Variants in MRAP2 observed in about 807,000 individuals in gnomAD.
MRAP2 encodes the protein melanocortin 2 receptor accessory protein 2, also known as melanocortin-2 receptor accessory protein 2.
MRAP2 carries 20 observed loss-of-function variants against 17.4 expected under a neutral mutation model. The ratio of observed to expected loss-of-function variants is 1.15; its 90% CI spans 0.81 to 1.67. MRAP2 has a LOEUF of 1.67. MRAP2 is among the 40% of genes most tolerant of loss of function. The pLI, the probability that MRAP2 is intolerant of heterozygous loss-of-function variation, is 0.00. For missense variants in MRAP2, 238 were observed against 240.0 expected (o/e 0.99, Z 0.05); for synonymous variants, 96 against 88.4 (o/e 1.09, Z -0.48).
intron 1 of MRAP2, among the ~76,000 whole-genome samples, chr6:84,034,969 G>A (rs1435344100): frequency 1.3e-5 from 2 of 152,100 alleles, no homozygotes; most frequent in African/African-American, 2.4e-5. Flanking sequence ...GGAGAGTGAC[G>A]AGGGCCTGCA....
the MRAP2 span, among the ~76,000 whole-genome samples, chr6:84,128,897 T>G: frequency 1.3e-5 from 2 of 151,380 alleles, no homozygotes; most frequent in African/African-American, 4.9e-5. Flanking sequence ...TATGTCACTG[T>G]GTTCTCATTG....
chr6:84,063,785 G>A (rs975964164), intron 3 of MRAP2, among the ~76,000 whole-genome samples: 1 of 152,148 alleles, frequency 6.6e-6, no homozygotes, highest in African/African-American at 2.4e-5. Flanking sequence ...GGTGGCTCAC[G>A]CCTGTAATCC....
chr6:84,069,996 T>G (rs1470476514), intron 3 of MRAP2, among the ~76,000 whole-genome samples: 2 of 152,176 alleles, frequency 1.3e-5, no homozygotes, highest in Non-Finnish European at 2.9e-5. Context: ...TTCTTGGTTA[T>G]TCTTGCTAAT....
At chr6:84,108,035 T>G in the MRAP2 span, among the ~76,000 whole-genome samples, 1 of 152,224 alleles carries the variant, frequency 6.6e-6, no homozygotes, top group Non-Finnish European at 1.5e-5. Flanking sequence ...TCCCAAATTA[T>G]CTGGGATGTA....
intron 1 of MRAP2, among the ~76,000 whole-genome samples, chr6:84,041,065 C>A (rs960913553): frequency 6.6e-6 from 1 of 152,102 alleles, no homozygotes; most frequent in Non-Finnish European, 1.5e-5. Context: ...GGGTTCAGGC[C>A]CCCCCTGCTG....
chr6:84,035,590 C>G (rs149688385), intron 1 of MRAP2: 68 of 215,956 alleles, frequency 3.1e-4, no homozygotes, highest in African/African-American at 1.4e-3. Context: ...AGGGAAAGTA[C>G]TGTTTTGTGA....
At chr6:84,081,019 T>C (rs1436953571) in intron 3 of MRAP2, among the ~76,000 whole-genome samples, 1 of 152,190 alleles carries the variant, frequency 6.6e-6, no homozygotes, top group African/African-American at 2.4e-5. Flanking sequence ...ATAGAGCAAT[T>C]TTATTACATG....
At chr6:84,134,877 A>G in the MRAP2 span, among the ~76,000 whole-genome samples, 7,081 of 151,884 alleles carry the variant, frequency 0.047, 534 homozygotes, top group African/African-American at 0.16. Flanking sequence ...GGTATAATAG[A>G]AGTGCCAATA....
intron 3 of MRAP2, among the ~76,000 whole-genome samples, chr6:84,087,054 C>T (rs6928815): frequency 0.15 from 22,354 of 152,088 alleles, 1,717 homozygotes; most frequent in Middle Eastern, 0.23. Context: ...CCCCAAAATC[C>T]GAGAGAGGTC....
chr6:84,141,898 A>G, the MRAP2 span, among the ~76,000 whole-genome samples: 1 of 152,136 alleles, frequency 6.6e-6, no homozygotes, highest in African/African-American at 2.4e-5. Flanking sequence ...AAAACTTAAA[A>G]AAAAATACCC....
At chr6:84,136,983 T>C in the MRAP2 span, among the ~76,000 whole-genome samples, 1 of 152,202 alleles carries the variant, frequency 6.6e-6, no homozygotes, top group South Asian at 2.1e-4. Context: ...CTCCTGACCA[T>C]GCTGACTCTT....
chr6:84,056,061 A>G (rs1004650244), intron 2 of MRAP2, among the ~76,000 whole-genome samples: 3 of 152,248 alleles, frequency 2.0e-5, no homozygotes, highest in African/African-American at 7.2e-5. Flanking sequence ...ACTGGCCAGC[A>G]TGGAACATCC....
downstream of MRAP2, among the ~76,000 whole-genome samples, chr6:84,091,449 C>G (rs912411308): frequency 2.6e-5 from 4 of 151,990 alleles, no homozygotes; most frequent in Non-Finnish European, 5.9e-5. Context: ...CCAGGCTGGT[C>G]TCGAACTCCT....
intron 3 of MRAP2, among the ~76,000 whole-genome samples, chr6:84,066,265 T>C (rs2099494660): frequency 6.6e-6 from 1 of 152,230 alleles, no homozygotes; most frequent in Admixed American, 6.5e-5. Flanking sequence ...AAAATAACTT[T>C]TTATAACATT....
At chr6:84,094,650 A>G (rs1195012070), downstream of MRAP2, among the ~76,000 whole-genome samples, 1 of 151,902 alleles carries the variant, frequency 6.6e-6, no homozygotes, top group Non-Finnish European at 1.5e-5. Context: ...TAGTATCCAT[A>G]TTTCTACCAA....
chr6:84,042,021 T>C (rs143633155), intron 1 of MRAP2, among the ~76,000 whole-genome samples: 4 of 152,206 alleles, frequency 2.6e-5, no homozygotes, highest in African/African-American at 9.7e-5. Flanking sequence ...CATCTTGAAC[T>C]GTAGTGCTCA....
chr6:84,100,291 CTCACTCTGTCA>C, the MRAP2 span, among the ~76,000 whole-genome samples: 1 of 152,070 alleles, frequency 6.6e-6, no homozygotes, highest in African/African-American at 2.4e-5. Flanking sequence ...GAGACAGGGT[CTCACTCTGTCA>C]CCCAGGCTGG....
Position 84,090,642 on chromosome 6 carries a change from T to C in MRAP2, c.*1161T>C, listed in dbSNP as rs1377410974. 2 of 152,216 alleles carry C rather than the reference T, an allele frequency of 1.3e-5. No homozygotes were observed. The highest frequency in any genetic ancestry group is 4.8e-5 in the African/African-American group (2 of 41,466). 9.4% of individuals were successfully genotyped at this position (152,216 alleles called of 1,614,324 possible). ...GTCATCTGGCTTTGAGCTGAGATGG[T>C]CAGTGGGTTGTAAATTCCCCACTAG... On this transcript the variant is annotated 3_prime_UTR_variant, in exon 4 of 4. Coordinates refer to ENST00000257776, the MANE Select transcript of MRAP2 (RefSeq NM_138409.4).
chr6:84,037,445 G>A (rs542415717), intron 1 of MRAP2, among the ~76,000 whole-genome samples: 92 of 152,354 alleles, frequency 6.0e-4, no homozygotes, highest in African/African-American at 1.9e-3. Context: ...GGCCATGGGC[G>A]GAGCTGCCCA....
Sources: allele counts gnomAD v4.1 joint callset (sites outside exome capture counted in the v4.1 genomes callset), GRCh38; gene constraint gnomAD v4.1.1; transcripts MANE v1.5; gene names NCBI Gene and HGNC (gene_info 2026-07-23, HGNC 2026-07-21).